Variants in LPP observed in about 807,000 individuals in gnomAD.
The protein encoded by LPP is LIM domain containing preferred translocation partner in lipoma.
LPP carries 38 observed loss-of-function variants against 60.4 expected under a neutral mutation model. The ratio of observed to expected loss-of-function variants is 0.63; its 90% CI spans 0.49 to 0.83. The LOEUF (loss-of-function observed/expected upper bound fraction) is 0.83. Among genes scored for constraint, LPP ranks in the 40% least tolerant of loss-of-function variants. The pLI, the probability that LPP is intolerant of heterozygous loss-of-function variation, is 0.00. For missense variants in LPP, 902 were observed against 783.6 expected (o/e 1.15, Z -1.80); for synonymous variants, 328 against 290.8 (o/e 1.13, Z -1.30).
rs111438910 is a variant in LPP, at chr3:188,288,472, G to A, written c.-66-53191G>A. 1.2e-3 allele frequency among the ~76,000 whole-genome samples: 183 copies of A among 152,072 alleles called. 1 individual carries two copies. The highest frequency in any genetic ancestry group is 3.8e-3 in the African/African-American group (156 of 41,492). ...TGAGGCAGTTGAGTGGCAAAGTGGAGGTGTAAAAACTAGTCTTCCAGCCTC... is the reference window on the plus strand; with the variant it reads ...TGAGGCAGTTGAGTGGCAAAGTGGAAGTGTAAAAACTAGTCTTCCAGCCTC... On this transcript the variant is annotated intron_variant, in intron 2 of 11. Transcript: ENST00000617246.
In LPP at chr3:188,872,689, G is replaced by A; in HGVS notation, c.1636G>A (p.Ala546Thr). Residue 546 changes from alanine (A) to threonine (T), a missense_variant, in exon 11 of 12, where the codon GCC becomes ACC. By Grantham distance (58) the Ala-to-Thr change is moderately conservative. Coordinates refer to ENST00000617246, the MANE Select transcript of LPP (RefSeq NM_001375462.1). The stretch of plus-strand genomic sequence containing the variant: ...TGTGTGCAAGGAGCCTATTATGCCA[G>A]CCCCGGGCCAGGAGGAGACTGTCCG... ...CSVCKEPIMPAPGQEETVRIV... is the reference protein window; with the variant it reads ...CSVCKEPIMPTPGQEETVRIV... 1 of 1,614,168 alleles carries A rather than the reference G, an allele frequency of 6.2e-7. No homozygotes were observed. The highest frequency in any genetic ancestry group is 1.1e-5 in the South Asian group (1 of 91,088).
chr3:188,175,677 G>A (rs1722854371), intron 1 of LPP, among the ~76,000 whole-genome samples: 1 of 152,052 alleles, frequency 6.6e-6, no homozygotes, highest in African/African-American at 2.4e-5. Flanking sequence ...TCCTTCAACT[G>A]GCTTTATACT....
intron 1 of LPP, among the ~76,000 whole-genome samples, chr3:188,169,651 C>T (rs568308988): frequency 5.9e-5 from 9 of 152,142 alleles, no homozygotes; most frequent in Admixed American, 2.6e-4. Context: ...TCTGACCTCC[C>T]GGAAGGTTTG....
In LPP at chr3:188,592,563, T is replaced by TTTTTTTTTTTTTTTTTTTGGG; in HGVS notation, c.430-16598_430-16597insTTTTTTTTTTTTTTTTTTGGG. Among the ~76,000 whole-genome samples, 33 of 77,232 alleles carry TTTTTTTTTTTTTTTTTTTGGG rather than the reference T, an allele frequency of 4.3e-4. 7 individuals carry two copies. Among genetic ancestry groups the TTTTTTTTTTTTTTTTTTTGGG allele is most frequent in the African/African-American group, 1.5e-3 (31 of 21,370 alleles). 50.7% of individuals were successfully genotyped at this position (77,232 alleles called of 152,430 possible). A position where few individuals can be genotyped will look rare whatever the true frequency, so the allele number is the denominator to read the frequency against. ...TGTTTTTAGTTTTGTTTTTGTTTTTTAAATGGAGTCTCACTCTTTCTCCCA... is the reference window on the plus strand; with the variant it reads ...TGTTTTTAGTTTTGTTTTTGTTTTTTTTTTTTTTTTTTTTTTTTGGGAAATGGAGTCTCACTCTTTCTCCCA... On this transcript the variant is annotated intron_variant, in intron 6 of 11. Transcript: ENST00000617246.
chr3:188,469,784 AC>A (rs1801356545), intron 4 of LPP, among the ~76,000 whole-genome samples: 1 of 152,106 alleles, frequency 6.6e-6, no homozygotes, highest in Non-Finnish European at 1.5e-5. Flanking sequence ...TATTCAATAA[AC>A]ACTTAACTAT....
At chr3:188,286,858 T>C (rs1455971937) in intron 2 of LPP, among the ~76,000 whole-genome samples, 1 of 152,170 alleles carries the variant, frequency 6.6e-6, no homozygotes, top group Non-Finnish European at 1.5e-5. Flanking sequence ...GAGGAGACCA[T>C]GTAAGACAAA....
At chr3:188,206,653 C>G (rs1331281782) in intron 1 of LPP, among the ~76,000 whole-genome samples, 2 of 152,172 alleles carry the variant, frequency 1.3e-5, no homozygotes, top group African/African-American at 4.8e-5. Flanking sequence ...AGGATTTCAT[C>G]TCTTAGAAAT....
chr3:188,181,056 G>A (rs1724828087), intron 1 of LPP, among the ~76,000 whole-genome samples: 1 of 151,970 alleles, frequency 6.6e-6, no homozygotes, highest in Non-Finnish European at 1.5e-5. Context: ...ACATGAAAAA[G>A]CACAAAGAAG....
intron 3 of LPP, among the ~76,000 whole-genome samples, chr3:188,358,142 T>C (rs1197282994): frequency 6.6e-6 from 1 of 152,206 alleles, no homozygotes; most frequent in African/African-American, 2.4e-5. Flanking sequence ...AACCAGCCTC[T>C]GAGGAAGGTA....
chr3:188,384,432 C>A (rs543662395), intron 3 of LPP, among the ~76,000 whole-genome samples: 93 of 151,966 alleles, frequency 6.1e-4, no homozygotes, highest in African/African-American at 2.2e-3. Context: ...AGATGGGCAA[C>A]CCTGATGATC....
At chr3:188,389,811 AAAAAAAAAGAAAAG>A (rs1779268444) in intron 3 of LPP, among the ~76,000 whole-genome samples, 3 of 150,518 alleles carry the variant, frequency 2.0e-5, no homozygotes, top group Admixed American at 1.3e-4. Flanking sequence ...TCCGTCTCAA[AAAAAAAAAGAAAAG>A]AAAAAAAGAA....
intron 1 of LPP, chr3:188,180,703 C>T (rs1724692446): frequency 6.6e-6 from 1 of 152,338 alleles, no homozygotes; most frequent in African/African-American, 2.4e-5. Flanking sequence ...ATTTTATGTG[C>T]ATTTGCATTT....
chr3:188,585,349 T>C (rs553374414), intron 6 of LPP, among the ~76,000 whole-genome samples: 1 of 152,234 alleles, frequency 6.6e-6, no homozygotes, highest in Admixed American at 6.5e-5. Flanking sequence ...TCATTTTATG[T>C]TGGGATCTAT....
At chr3:188,563,474 G>GTGTGTGTGTGTGTGTT (rs1553929590) in intron 6 of LPP, among the ~76,000 whole-genome samples, 24 of 149,138 alleles carry the variant, frequency 1.6e-4, no homozygotes, top group South Asian at 8.6e-4. Context: ...GTGTGTGTGT[G>GTGTGTGTGTGTGTGTT]TGTGTGTGTG....
At chr3:188,537,544 T>C (rs1296722984) in intron 6 of LPP, among the ~76,000 whole-genome samples, 1 of 152,204 alleles carries the variant, frequency 6.6e-6, no homozygotes, top group African/African-American at 2.4e-5. Context: ...TTTATTCCTT[T>C]ATTCACTGAT....
chr3:188,536,319 ATTT>A (rs10603523), intron 6 of LPP, among the ~76,000 whole-genome samples: 43 of 150,550 alleles, frequency 2.9e-4, no homozygotes, highest in Non-Finnish European at 5.3e-4. Context: ...ATATTACAAG[ATTT>A]TTTTTTTTGC....
intron 4 of LPP, among the ~76,000 whole-genome samples, chr3:188,438,361 A>T (rs1057084549): frequency 0.014 from 1,920 of 132,424 alleles, 21 homozygotes; most frequent in South Asian, 0.04. Flanking sequence ...CATTACACAC[A>T]CACACACACA....
At chr3:188,773,361 A>AAT (rs10571695) in intron 9 of LPP, among the ~76,000 whole-genome samples, 2,589 of 150,836 alleles carry the variant, frequency 0.017, 91 homozygotes, top group East Asian at 0.085. Context: ...GTCTTCAAAG[A>AAT]ATATATATAT....
rs748763447 is a variant in LPP at position 188,609,252 on chromosome 3, C to T, written c.521C>T (p.Ala174Val). 4 of 1,614,046 alleles carry T rather than the reference C, an allele frequency of 2.5e-6. No individual in the cohort carries two copies. The highest frequency in any genetic ancestry group is 2.2e-5 in the East Asian group (1 of 44,864). Residue 174 changes from alanine to valine, a missense_variant, in exon 7 of 12, where the codon GCA becomes GTA. By Grantham distance (64) the Ala-to-Val change is moderately conservative (BLOSUM62 0). Transcript: ENST00000617246. This position sits in a 1 kb window ranked among gnomAD's most constrained non-coding sequence, Gnocchi z 6.9. Reference sequence around the variant, plus strand: ...ATCCCGAACCAACCCCCTCTAACAGCAACCAAGAAGTCTACATTGAAACCA... The same window carrying T: ...ATCCCGAACCAACCCCCTCTAACAGTAACCAAGAAGTCTACATTGAAACCA... Reference protein sequence around the residue: ...MVIPNQPPLTATKKSTLKPQP... With the variant: ...MVIPNQPPLTVTKKSTLKPQP...
Sources: gnomAD v4.1 joint callset for allele counts (sites outside exome capture counted in the v4.1 genomes callset) on GRCh38, gnomAD v4.1.1 for gene constraint, Gnocchi (gnomAD v3.1) non-coding constraint, MANE v1.5 for transcripts, NCBI Gene and HGNC (gene_info 2026-07-23, HGNC 2026-07-21) for gene names.